The following ZNF532 variants were observed in gnomAD, a reference collection of about 807,000 sequenced individuals.
The protein encoded by ZNF532 is zinc finger protein 532.
A neutral mutation model predicts 89.3 loss-of-function variants in ZNF532; 22 were observed. That is an observed-to-expected ratio of 0.25 (90% CI 0.18 to 0.35). ZNF532 has a LOEUF of 0.35. Among genes scored for constraint, ZNF532 ranks in the 10% least tolerant of loss-of-function variants. The pLI is 1.00. For synonymous variants in ZNF532, 606 were observed against 649.6 expected (o/e 0.93, Z 1.02); for missense variants, 1,132 against 1,643.4 (o/e 0.69, Z 5.38).
intron 5 of ZNF532, among the ~76,000 whole-genome samples, chr18:58,946,617 C>T (rs940097825): frequency 3.9e-5 from 6 of 152,134 alleles, no homozygotes; most frequent in Middle Eastern, 6.8e-3. Flanking sequence ...ACATTTGGGC[C>T]GTTCACAACA....
At chr18:58,930,335 T>C (rs1048089985) in intron 3 of ZNF532, among the ~76,000 whole-genome samples, 1 of 152,040 alleles carries the variant, frequency 6.6e-6, no homozygotes, top group Admixed American at 6.5e-5. Context: ...TAGAAAAGGC[T>C]CAGTAAGAGT....
At chr18:58,979,386 T>C (rs1306660638) in intron 8 of ZNF532, 1 of 311,302 alleles carries the variant, frequency 3.2e-6, no homozygotes, top group African/African-American at 2.2e-5. Context: ...CCCACATACA[T>C]TGTGTGTTTT....
intron 2 of ZNF532, among the ~76,000 whole-genome samples, chr18:58,885,533 T>C (rs1051603416): frequency 1.3e-5 from 2 of 152,170 alleles, no homozygotes; most frequent in African/African-American, 4.8e-5. Context: ...TGTGGATGAA[T>C]TTTGAAAAAA....
At chr18:58,932,890 G>A (rs2062074710) in intron 3 of ZNF532, among the ~76,000 whole-genome samples, 1 of 151,930 alleles carries the variant, frequency 6.6e-6, no homozygotes, top group South Asian at 2.1e-4. Context: ...GTATATAAAT[G>A]TGTGTGTGTA....
intron 3 of ZNF532, among the ~76,000 whole-genome samples, chr18:58,928,861 AAG>A (rs1231057655): frequency 6.6e-6 from 1 of 152,214 alleles, no homozygotes; most frequent in African/African-American, 2.4e-5. Context: ...TGAAGTATTT[AAG>A]AGCTGAGGAC....
chr18:58,961,945 C>G (rs2147213231), intron 7 of ZNF532, among the ~76,000 whole-genome samples: 1 of 152,254 alleles, frequency 6.6e-6, no homozygotes, highest in East Asian at 1.9e-4. Flanking sequence ...CTAGGGTCGG[C>G]TGGGCATGGT....
chr18:58,981,732 G>C (rs1368958076), intron 9 of ZNF532, 115 bp downstream of exon 9: 4 of 1,402,140 alleles, frequency 2.9e-6, no homozygotes. Context: ...ATTCAGACTG[G>C]CTGGGTGCGG....
chr18:58,911,193 G>A (rs1216200116), intron 2 of ZNF532, among the ~76,000 whole-genome samples: 1 of 152,242 alleles, frequency 6.6e-6, no homozygotes, highest in East Asian at 1.9e-4. Context: ...TCCAGGGTAA[G>A]GCTGGAGGAG....
At position 58,918,821 on chromosome 18, in the gene ZNF532, A is replaced by C. The variant is rs548565375; in HGVS notation, c.534A>C (p.Ala178=). ...APQQDYDKLK[A]LGGENSSKTG... The stretch of plus-strand genomic sequence containing the variant: ...AGCAGGACTACGATAAGCTGAAGGC[A>C]CTCGGAGGGGAAAACTCCAGCAAAA... Residue 178 remains alanine, a synonymous_variant, in exon 3 of 10, where the codon GCA becomes GCC. Transcript: ENST00000591808. 1 of 1,614,206 alleles carries C rather than the reference A, an allele frequency of 6.2e-7. No homozygotes were observed. Among genetic ancestry groups the C allele is most frequent in the African/African-American group, 1.3e-5 (1 of 75,066 alleles).
intron 7 of ZNF532, among the ~76,000 whole-genome samples, chr18:58,972,061 A>G (rs1271681639): frequency 6.6e-6 from 1 of 152,154 alleles, no homozygotes; most frequent in Non-Finnish European, 1.5e-5. Context: ...CAAATTATCC[A>G]GGTGTGGTGG....
At chr18:58,966,005 C>A (rs372192018) in intron 7 of ZNF532, among the ~76,000 whole-genome samples, 173 of 152,146 alleles carry the variant, frequency 1.1e-3, no homozygotes, top group African/African-American at 4.0e-3. Flanking sequence ...TTTTTTGAGT[C>A]TGGTTATGGG....
chr18:58,982,488 G>A (rs2067918445), intron 9 of ZNF532, among the ~76,000 whole-genome samples: 2 of 151,610 alleles, frequency 1.3e-5, no homozygotes, highest in South Asian at 4.2e-4. Context: ...AGGCGTGGTG[G>A]TGCACACCTG....
chr18:58,961,576 C>T (rs1335521712), intron 7 of ZNF532, among the ~76,000 whole-genome samples: 3 of 152,164 alleles, frequency 2.0e-5, no homozygotes, highest in East Asian at 3.8e-4. Context: ...TATATTCCCG[C>T]GTGTACCGCA....
At chr18:58,888,889 T>TATA (rs1555709716) in intron 2 of ZNF532, among the ~76,000 whole-genome samples, 4 of 39,438 alleles carry the variant, frequency 1.0e-4, no homozygotes, top group Admixed American at 4.5e-4. Context: ...TATATATATA[T>TATA]TTTATATATA....
At position 58,983,987 on chromosome 18, in the gene ZNF532, C is replaced by A; in HGVS notation, c.3427C>A (p.Arg1143=). 1 of 1,608,762 alleles carries A rather than the reference C, an allele frequency of 6.2e-7. No individual in the cohort carries two copies. The highest frequency in any genetic ancestry group is 2.2e-5 in the East Asian group (1 of 44,804). ...KEDTKVPSPK[R]KLEEPVLEFR... The stretch of plus-strand genomic sequence containing the variant: ...TCCCTGAAAGGTCCCCAGTCCCAAG[C>A]GGAAGTTGGAAGAACCAGTTCTGGA... The change falls in exon 10 of 10, where the codon CGG becomes AGG. Residue 1143 remains arginine (R), a synonymous_variant. Coordinates refer to ENST00000591808, the MANE Select transcript of ZNF532 (RefSeq NM_001375912.1).
chr18:58,921,171 T>C (rs983097677), intron 3 of ZNF532, among the ~76,000 whole-genome samples: 15 of 152,082 alleles, frequency 9.9e-5, no homozygotes, highest in Non-Finnish European at 1.6e-4. Context: ...GGATAATATA[T>C]ATATACTAGT....
chr18:58,939,169 C>T (rs1173022386), intron 4 of ZNF532, among the ~76,000 whole-genome samples: 1 of 139,726 alleles, frequency 7.2e-6, no homozygotes, highest in East Asian at 2.1e-4. Flanking sequence ...ATTGCTTGAA[C>T]CTGGGAGGTG....
chr18:58,984,176 C>G lies in ZNF532; in HGVS notation c.3616C>G (p.Arg1206Gly). 1 of 1,611,850 alleles carries G rather than the reference C, an allele frequency of 6.2e-7. No individual in the cohort carries two copies. Among genetic ancestry groups the G allele is most frequent in the Non-Finnish European group, 8.5e-7 (1 of 1,179,846 alleles). ...ATCGGATGGTTCTTCCTACCAGTGC[C>G]GGGAGTGTGGCCTCTGCTACACGTC... ...HKSDGSSYQC[R>G]ECGLCYTSHV... is the part of the protein sequence containing the mutation. The change falls in exon 10 of 10, where the codon CGG (arginine) becomes GGG (glycine). Residue 1206 changes from arginine to glycine, a missense_variant. This residue lies in a region of ZNF532 where 415 missense variants were observed against 604.8 expected (regional missense o/e 0.69). Coordinates refer to ENST00000591808, the MANE Select transcript of ZNF532 (RefSeq NM_001375912.1).
chr18:58,897,920 C>T (rs969022731), intron 2 of ZNF532, among the ~76,000 whole-genome samples: 2 of 152,134 alleles, frequency 1.3e-5, no homozygotes, highest in African/African-American at 4.8e-5. Flanking sequence ...CTACTGCACT[C>T]CACCCTGGGT....
Sources: allele counts gnomAD v4.1 joint callset (sites outside exome capture counted in the v4.1 genomes callset), GRCh38; gene constraint gnomAD v4.1.1; regional missense constraint gnomAD v4.1.1; transcripts MANE v1.5; gene names NCBI Gene and HGNC (gene_info 2026-07-23, HGNC 2026-07-21).